Variants in CUL2 observed in about 807,000 individuals in gnomAD.
The protein encoded by CUL2 is cullin-2.
In CUL2, 22 loss-of-function variants were observed where a neutral mutation model predicts 110.2. The ratio of observed to expected loss-of-function variants is 0.20; its 90% CI spans 0.14 to 0.28. The LOEUF is 0.28. CUL2 is among the 10% of genes least tolerant of loss of function. The probability of loss-of-function intolerance (pLI) is 1.00; values close to 1 mark genes in which losing one functional copy is unlikely to be tolerated. For synonymous variants in CUL2, 279 were observed against 293.2 expected (o/e 0.95, Z 0.49); for missense variants, 631 against 905.5 (o/e 0.70, Z 3.89).
intron 1 of CUL2, among the ~76,000 whole-genome samples, chr10:35,077,137 T>G (rs530703917): frequency 2.2e-3 from 340 of 152,066 alleles, no homozygotes; most frequent in Middle Eastern, 3.4e-3. Context: ...ATGCAATATA[T>G]CCATACAATA....
At chr10:35,020,966 T>G (rs1489674747) in intron 17 of CUL2, among the ~76,000 whole-genome samples, 2 of 150,234 alleles carry the variant, frequency 1.3e-5, no homozygotes, top group Non-Finnish European at 3.0e-5. Flanking sequence ...TTTATGGGTT[T>G]TTTTTTTTTT....
In CUL2 at chr10:35,038,925, T is replaced by C; in HGVS notation, c.872A>G (p.Lys291Arg). 1.3e-6 allele frequency: 2 copies of C among 1,584,860 alleles called. No homozygotes were observed. The highest frequency in any genetic ancestry group is 1.7e-6 in the Non-Finnish European group (2 of 1,165,466). ...TCATGTTTGGTGTCACTTACCATTT[T>C]TTTTCTCTTGTCGAATTATATTATG... ...ECHNIIRQEK[K>R]NDMANMYVLL... Residue 291 changes from lysine to arginine, a missense_variant, in exon 9 of 21, where the codon AAA (lysine) becomes AGA (arginine). Lys to Arg is a conservative substitution (Grantham distance 26, BLOSUM62 2). Around this residue, in one of 3 missense-constraint regions of CUL2, gnomAD observed 338 missense variants for 442.5 expected, o/e 0.76. Transcript: ENST00000374749.
intron 2 of CUL2, among the ~76,000 whole-genome samples, chr10:35,095,747 G>T (rs1447343581): frequency 2.0e-5 from 3 of 152,084 alleles, no homozygotes; most frequent in African/African-American, 7.2e-5. Flanking sequence ...TTTTAGTAGA[G>T]ACAAGGTTTC....
chr10:35,074,004 C>A (rs1022907645), intron 1 of CUL2: 1 of 706,006 alleles, frequency 1.4e-6, no homozygotes, highest in Admixed American at 2.0e-5. Context: ...AGGATTCAGA[C>A]CCGTGCTGCG....
intron 15 of CUL2, 28 bp downstream of exon 15, chr10:35,029,460 A>T (rs747229768): frequency 1.4e-6 from 2 of 1,400,968 alleles, no homozygotes; most frequent in Non-Finnish European, 1.9e-6. Flanking sequence ...TGATTAGTAA[A>T]TGCTCATAGT....
At chr10:35,030,013 G>A (rs1423820392) in intron 14 of CUL2, among the ~76,000 whole-genome samples, 2 of 152,198 alleles carry the variant, frequency 1.3e-5, no homozygotes, top group Non-Finnish European at 2.9e-5. Flanking sequence ...GGGTCTCACT[G>A]TTGCCCATGC....
chr10:35,072,912 T>G (rs1360738336), intron 1 of CUL2, among the ~76,000 whole-genome samples: 1 of 152,150 alleles, frequency 6.6e-6, no homozygotes, highest in African/African-American at 2.4e-5. Context: ...TGAAACATCT[T>G]TTCTCGTCTC....
upstream of CUL2, among the ~76,000 whole-genome samples, chr10:35,093,274 C>G (rs1366416969): frequency 6.6e-6 from 1 of 152,008 alleles, no homozygotes; most frequent in African/African-American, 2.4e-5. Flanking sequence ...CAATTAAACA[C>G]TTTCTCTACT....
In CUL2 at chr10:35,075,227, A is replaced by C. The variant is rs530717407; in HGVS notation, c.-22-3888T>G. 5.4e-4 allele frequency among the ~76,000 whole-genome samples: 82 copies of C among 152,288 alleles called. 1 individual carries two copies. Among genetic ancestry groups the C allele is most frequent in the Non-Finnish European group, 1.1e-3 (73 of 68,006 alleles). ...ACACACCAAAAACTGACAAACCAAT[A>C]GCAGGAAGGTATGCTGAGACAGTCT... On this transcript the variant is annotated intron_variant, in intron 1 of 20. Transcript: ENST00000374749.
At chr10:35,061,616 C>T (rs1372036148) in intron 3 of CUL2, among the ~76,000 whole-genome samples, 1 of 152,174 alleles carries the variant, frequency 6.6e-6, no homozygotes, top group African/African-American at 2.4e-5. Context: ...TTTAAGACCA[C>T]TTTAACACAC....
At chr10:35,054,580 T>A in intron 4 of CUL2, 41 bp from the exon 5 acceptor site, 5 of 1,146,828 alleles carry the variant, frequency 4.4e-6, no homozygotes, top group Non-Finnish European at 6.3e-6. Context: ...TAAGTTAAAG[T>A]CAGTAGGAAA....
At chr10:35,034,544 C>T (rs1297563861) in intron 10 of CUL2, among the ~76,000 whole-genome samples, 2 of 152,112 alleles carry the variant, frequency 1.3e-5, no homozygotes, top group African/African-American at 4.8e-5. Flanking sequence ...TAAGAAGAGA[C>T]AGTAACATTT....
intron 17 of CUL2, among the ~76,000 whole-genome samples, chr10:35,017,120 T>G (rs1190372249): frequency 6.6e-6 from 1 of 151,818 alleles, no homozygotes; most frequent in East Asian, 1.9e-4. Flanking sequence ...CCAGGTAAGG[T>G]TCAAGCCTCC....
rs112452437 is a variant in CUL2, at chr10:35,096,552, G to A, written c.167+4292C>T. ...CACTTGAGTCCAGGAGGTCATGTTT[G>A]CAGTGAGCTGTGATTATGCCACTGC... On this transcript the variant is annotated intron_variant, in intron 2 of 5. Coordinates refer to the CUL2 transcript ENST00000685421. Among the ~76,000 whole-genome samples the A allele has an allele frequency of 6.2e-3, 944 of 152,272 alleles. 12 individuals carry two copies. The highest frequency in any genetic ancestry group is 0.022 in the African/African-American group (894 of 41,564).
At position 35,069,831 on chromosome 10, in the gene CUL2, C is replaced by T. The variant is rs145852897; in HGVS notation, c.119+1368G>A. ...CTGCTCCTTGTTTTAGCTAAAATAT[C>T]CTTAAAAGCACCTATGAACTTGCCT... On this transcript the variant is annotated intron_variant, in intron 2 of 20. Coordinates refer to ENST00000374749, the MANE Select transcript of CUL2 (RefSeq NM_003591.4). Among the ~76,000 whole-genome samples, 467 of 152,256 alleles carry T rather than the reference C, an allele frequency of 3.1e-3. 1 individual carries two copies. Among genetic ancestry groups the T allele is most frequent in the African/African-American group, 0.011 (445 of 41,548 alleles).
intron 4 of CUL2, among the ~76,000 whole-genome samples, chr10:35,056,132 T>A (rs1205867658): frequency 6.6e-6 from 1 of 152,212 alleles, no homozygotes; most frequent in African/African-American, 2.4e-5. Context: ...ATTCATCTTC[T>A]CTCTAGAATG....
Position 35,013,742 on chromosome 10 carries a change from G to T in CUL2, c.1946C>A (p.Thr649Lys). The T allele has an allele frequency of 6.4e-7, 1 of 1,567,370 alleles. No homozygotes were observed. The highest frequency in any genetic ancestry group is 8.7e-7 in the Non-Finnish European group (1 of 1,152,600). The change falls in exon 19 of 21, where the codon ACA becomes AAA. Residue 649 changes from threonine to lysine, a missense_variant. By Grantham distance (78) the Thr-to-Lys change is moderately conservative (BLOSUM62 -1). Coordinates refer to ENST00000374749, the MANE Select transcript of CUL2 (RefSeq NM_003591.4). ...SLNMNFSSKR[T>K]KFKITTSMQK... ...CATTGATGTAGTAATTTTAAATTTT[G>T]TTCTTTTACTGCTAAAGTTCATATT... is the stretch of plus-strand genomic sequence containing the variant.
chr10:35,070,888 ATTT>A (rs200615688), intron 2 of CUL2, among the ~76,000 whole-genome samples: 1 of 148,340 alleles, frequency 6.7e-6, no homozygotes, highest in Non-Finnish European at 1.5e-5. Context: ...ATGACATTAG[ATTT>A]TTTTTTTTAC....
At chr10:35,095,594 C>T (rs914630865), upstream of CUL2, among the ~76,000 whole-genome samples, 11 of 151,944 alleles carry the variant, frequency 7.2e-5, 1 homozygote, top group South Asian at 2.1e-4. Context: ...AGTCTCCCTC[C>T]GTTGCCCGGG....
Sources: allele counts gnomAD v4.1 joint callset (sites outside exome capture counted in the v4.1 genomes callset), GRCh38; gene constraint gnomAD v4.1.1; regional missense constraint gnomAD v4.1.1; transcripts MANE v1.5; gene names NCBI Gene and HGNC (gene_info 2026-07-23, HGNC 2026-07-21).